Variants in KPNA3 observed in about 807,000 individuals in gnomAD.
KPNA3 encodes importin subunit alpha-4.
In KPNA3, 13 loss-of-function variants were observed where a neutral mutation model predicts 73.8. The ratio of observed to expected loss-of-function variants is 0.18; its 90% CI spans 0.11 to 0.28. The LOEUF (loss-of-function observed/expected upper bound fraction) is 0.28, where lower values mean the gene tolerates loss of function less well. Among genes scored for constraint, KPNA3 ranks in the 10% least tolerant of loss-of-function variants. The pLI is 1.00. For missense variants in KPNA3, 360 were observed against 618.1 expected (o/e 0.58, Z 4.43); for synonymous variants, 186 against 206.9 (o/e 0.90, Z 0.87).
chr13:49,699,370 C>G lies in KPNA3; in HGVS notation c.*2430G>C, dbSNP rs941463096. The G allele has an allele frequency of 6.6e-6, 1 of 152,438 alleles. No homozygotes were observed. Among genetic ancestry groups the G allele is most frequent in the East Asian group, 1.9e-4 (1 of 5,178 alleles). The allele number at this position is 152,438 out of a possible 1,614,324, so 9.4% of individuals were successfully genotyped here. On this transcript the variant is annotated 3_prime_UTR_variant, in exon 17 of 17. Transcript: ENST00000261667. ...TTTTATTGGTTACAAAACCTAAGCCCATATACAAAATTAGGAACACATTTA... is the reference window on the plus strand; with the variant it reads ...TTTTATTGGTTACAAAACCTAAGCCGATATACAAAATTAGGAACACATTTA...
At chr13:49,739,061 G>A (rs1284804905) in intron 2 of KPNA3, among the ~76,000 whole-genome samples, 1 of 151,698 alleles carries the variant, frequency 6.6e-6, no homozygotes, top group Non-Finnish European at 1.5e-5. Context: ...TTCTTTTTTG[G>A]CTTATTAATA....
intron 1 of KPNA3, among the ~76,000 whole-genome samples, chr13:49,756,712 C>A (rs1954714782): frequency 6.6e-6 from 1 of 152,034 alleles, no homozygotes; most frequent in Admixed American, 6.5e-5. Flanking sequence ...CAGAATTATT[C>A]TAAAATTTAT....
At chr13:49,740,021 C>T (rs911201980) in intron 2 of KPNA3, among the ~76,000 whole-genome samples, 3 of 152,028 alleles carry the variant, frequency 2.0e-5, no homozygotes, top group East Asian at 1.9e-4. Context: ...GAGGCTGAGG[C>T]GGGCAGATTG....
intron 8 of KPNA3, 64 bp downstream of exon 8, chr13:49,722,413 G>T: frequency 9.4e-7 from 1 of 1,064,348 alleles, no homozygotes; most frequent in Non-Finnish European, 1.4e-6. Flanking sequence ...GTATGTAATG[G>T]CTATGCCAAT....
At chr13:49,717,046 T>C (rs987584816) in intron 10 of KPNA3, among the ~76,000 whole-genome samples, 1 of 152,176 alleles carries the variant, frequency 6.6e-6, no homozygotes, top group African/African-American at 2.4e-5. Context: ...AATTTAGTAA[T>C]AGTCCATGCC....
intron 1 of KPNA3, among the ~76,000 whole-genome samples, chr13:49,761,536 C>T (rs1457328588): frequency 6.6e-6 from 1 of 152,266 alleles, no homozygotes; most frequent in African/African-American, 2.4e-5. Flanking sequence ...CTCGTTCACT[C>T]AGTGCTCAAT....
chr13:49,734,183 G>A (rs1460035406), intron 2 of KPNA3, among the ~76,000 whole-genome samples: 1 of 152,120 alleles, frequency 6.6e-6, no homozygotes, highest in Non-Finnish European at 1.5e-5. Context: ...CACTTTAACT[G>A]TATTCTACAG....
chr13:49,721,991 A>C lies in KPNA3; in HGVS notation c.690T>G (p.Asn230Lys). The change falls in exon 9 of 17, where the codon AAT becomes AAG. Residue 230 changes from asparagine to lysine, a missense_variant. Around this residue, in one of 3 missense-constraint regions of KPNA3, gnomAD observed 287 missense variants for 549.1 expected, o/e 0.52. Coordinates refer to ENST00000261667, the MANE Select transcript of KPNA3 (RefSeq NM_002267.4). ...VTWVIVNLCR[N>K]KDPPPPMETV... ...TCTCCATAGGCGGCGGGGGATCCTT[A>C]TTCCTGCAGAGATTGACAATGACCC... The C allele has an allele frequency of 6.2e-7, 1 of 1,605,910 alleles. No homozygotes were observed. The highest frequency in any genetic ancestry group is 8.5e-7 in the Non-Finnish European group (1 of 1,176,132).
At position 49,770,931 on chromosome 13, in the gene KPNA3, C is replaced by G. The variant is rs565439612; in HGVS notation, c.69+21507G>C. 7.5e-4 allele frequency among the ~76,000 whole-genome samples: 113 copies of G among 151,242 alleles called. 2 individuals carry two copies. In the South Asian group the frequency reaches 0.023, roughly 31 times the overall value. ...GACTCTCAATTCTATTCCATTGGTC[C>G]ATATGTCTATCCTTATGCCAGTATC... On this transcript the variant is annotated intron_variant, in intron 1 of 16. Coordinates refer to ENST00000261667, the MANE Select transcript of KPNA3 (RefSeq NM_002267.4).
intron 2 of KPNA3, among the ~76,000 whole-genome samples, chr13:49,735,123 CTTATTTT>C (rs1435810584): frequency 1.3e-5 from 2 of 152,136 alleles, no homozygotes; most frequent in Admixed American, 6.6e-5. Context: ...ACCATATTTA[CTTATTTT>C]TTATTTTTTA....
At chr13:49,720,093 A>G (rs1227779172) in intron 9 of KPNA3, among the ~76,000 whole-genome samples, 1 of 152,176 alleles carries the variant, frequency 6.6e-6, no homozygotes, top group Non-Finnish European at 1.5e-5. Flanking sequence ...AAATAAAAAC[A>G]TTTGTTTTTA....
intron 2 of KPNA3, among the ~76,000 whole-genome samples, chr13:49,737,679 G>C (rs1386486307): frequency 1.3e-5 from 2 of 150,936 alleles, no homozygotes; most frequent in Non-Finnish European, 3.0e-5. Context: ...CAACATCATA[G>C]CATACTGCAG....
chr13:49,709,457 T>A, intron 12 of KPNA3, 115 bp downstream of exon 12: 4 of 742,320 alleles, frequency 5.4e-6, no homozygotes, highest in East Asian at 3.0e-5. Context: ...AAAATAATTC[T>A]CATCTTCGCT....
intron 11 of KPNA3, among the ~76,000 whole-genome samples, chr13:49,710,330 G>C (rs911174860): frequency 3.3e-5 from 5 of 152,112 alleles, no homozygotes; most frequent in African/African-American, 1.2e-4. Context: ...AGTCACTTTG[G>C]TAAAGCAGGA....
intron 1 of KPNA3, among the ~76,000 whole-genome samples, chr13:49,781,055 T>C (rs1954937045): frequency 6.6e-6 from 1 of 152,110 alleles, no homozygotes. Context: ...CCAGAATCTA[T>C]CACACTATCT....
At chr13:49,767,336 C>T (rs1437657659) in intron 1 of KPNA3, among the ~76,000 whole-genome samples, 1 of 151,064 alleles carries the variant, frequency 6.6e-6, no homozygotes. Context: ...ATTGCTTGAA[C>T]CCAGGAGGTG....
intron 12 of KPNA3, among the ~76,000 whole-genome samples, chr13:49,707,476 T>C (rs1182619762): frequency 6.6e-6 from 1 of 152,206 alleles, no homozygotes; most frequent in Non-Finnish European, 1.5e-5. Flanking sequence ...GGTCCTATGA[T>C]AGTCTCAAAA....
chr13:49,787,272 G>A (rs1954990723), intron 1 of KPNA3, among the ~76,000 whole-genome samples: 1 of 152,180 alleles, frequency 6.6e-6, no homozygotes, highest in South Asian at 2.1e-4. Flanking sequence ...TTGCTGATAA[G>A]AAGGAAACTT....
chr13:49,758,857 C>T (rs999816525), intron 1 of KPNA3, among the ~76,000 whole-genome samples: 6 of 152,112 alleles, frequency 3.9e-5, no homozygotes, highest in East Asian at 1.9e-4. Context: ...GTATCTCCAA[C>T]GCCTAGAAAC....
Sources: gnomAD v4.1 joint callset for allele counts (sites outside exome capture counted in the v4.1 genomes callset) on GRCh38, gnomAD v4.1.1 for gene constraint, gnomAD v4.1.1 regional missense constraint, MANE v1.5 for transcripts, NCBI Gene and HGNC (gene_info 2026-07-23, HGNC 2026-07-21) for gene names.